Variants in MRPS27 observed in about 807,000 individuals in gnomAD.
MRPS27 encodes small ribosomal subunit protein mS27.
MRPS27 carries 43 observed loss-of-function variants against 48.9 expected under a neutral mutation model. The observed-to-expected ratio is 0.88, with a 90% confidence interval of 0.69 to 1.13. MRPS27 has a LOEUF of 1.13. Among genes scored for constraint, MRPS27 ranks in the 50% most tolerant of loss-of-function variants. The pLI is 0.00. For missense variants in MRPS27, 467 were observed against 476.3 expected (o/e 0.98, Z 0.18); for synonymous variants, 188 against 171.9 (o/e 1.09, Z -0.73).
intron 10 of MRPS27, among the ~76,000 whole-genome samples, chr5:72,221,678 T>C (rs780943977): frequency 6.6e-5 from 10 of 152,234 alleles, no homozygotes; most frequent in Non-Finnish European, 1.5e-4. Context: ...TCGGAATAAC[T>C]GAAACAAGTA....
chr5:72,300,143 C>T (rs1035789103), intron 2 of MRPS27, among the ~76,000 whole-genome samples: 1 of 152,258 alleles, frequency 6.6e-6, no homozygotes, highest in Non-Finnish European at 1.5e-5. Context: ...ACCACTGCCA[C>T]ATTGTTAAAA....
At chr5:72,236,441 T>G (rs1288524902) in intron 5 of MRPS27, among the ~76,000 whole-genome samples, 1 of 152,180 alleles carries the variant, frequency 6.6e-6, no homozygotes, top group African/African-American at 2.4e-5. Context: ...TCTAGTTTGA[T>G]GTTCTTTCCA....
Position 72,258,291 on chromosome 5 carries a change from T to C in MRPS27, c.282-20163A>G, listed in dbSNP as rs1748867202. 2.0e-5 allele frequency among the ~76,000 whole-genome samples: 3 copies of C among 152,212 alleles called. No individual in the cohort carries two copies. In the South Asian group the frequency reaches 6.2e-4, roughly 32 times the overall value. ...GTGCACTAACATCTAATGTGTGATA[T>C]AAAGAAGTCTACCATGTTCTCTGAT... On this transcript the variant is annotated intron_variant, in intron 4 of 10. Transcript: ENST00000261413.
intron 4 of MRPS27, among the ~76,000 whole-genome samples, chr5:72,243,096 C>T (rs1171819155): frequency 1.3e-5 from 2 of 152,084 alleles, no homozygotes; most frequent in South Asian, 2.1e-4. Flanking sequence ...ACCTCAGCCA[C>T]GGAGCTGGGT....
chr5:72,247,062 C>T (rs1339692948), intron 4 of MRPS27, among the ~76,000 whole-genome samples: 4 of 152,154 alleles, frequency 2.6e-5, no homozygotes, highest in Non-Finnish European at 5.9e-5. Flanking sequence ...GGTTTCAGTT[C>T]CTGCAACTGT....
intron 4 of MRPS27, among the ~76,000 whole-genome samples, chr5:72,273,251 G>A (rs1749292073): frequency 6.6e-6 from 1 of 152,144 alleles, no homozygotes; most frequent in African/African-American, 2.4e-5. Context: ...CTCAAGCTGG[G>A]CCACTGGTCC....
At chr5:72,301,318 C>T (rs1750121682) in intron 2 of MRPS27, among the ~76,000 whole-genome samples, 1 of 152,154 alleles carries the variant, frequency 6.6e-6, no homozygotes, top group South Asian at 2.1e-4. Context: ...GTCCTTAAAC[C>T]CCCTTCACAC....
At chr5:72,242,317 AAAG>A (rs1182765102) in intron 4 of MRPS27, among the ~76,000 whole-genome samples, 4 of 152,080 alleles carry the variant, frequency 2.6e-5, no homozygotes, top group Non-Finnish European at 4.4e-5. Flanking sequence ...TGTTACCAGG[AAAG>A]AAGGAGAGCA....
intron 4 of MRPS27, among the ~76,000 whole-genome samples, chr5:72,263,174 T>C (rs2112005181): frequency 6.6e-6 from 1 of 152,198 alleles, no homozygotes; most frequent in African/African-American, 2.4e-5. Flanking sequence ...ATTTCCTTCA[T>C]CAGTAACACA....
chr5:72,319,637 G>A (rs1395883058), intron 1 of MRPS27, among the ~76,000 whole-genome samples: 1 of 146,794 alleles, frequency 6.8e-6, no homozygotes, highest in Non-Finnish European at 1.5e-5. Flanking sequence ...TCCGCCTCCC[G>A]AGTTCAAGCG....
intron 10 of MRPS27, 34 bp downstream of exon 10, chr5:72,223,649 G>A (rs767833114): frequency 1.8e-5 from 29 of 1,609,702 alleles, no homozygotes; most frequent in African/African-American, 9.4e-5. Context: ...TGTTTTATGC[G>A]CTGCTAAGAG....
At chr5:72,250,413 C>T (rs1748634506) in intron 4 of MRPS27, among the ~76,000 whole-genome samples, 1 of 152,126 alleles carries the variant, frequency 6.6e-6, no homozygotes, top group Non-Finnish European at 1.5e-5. Context: ...TGAACCAAAC[C>T]ACAGTAATGC....
chr5:72,277,707 A>C (rs1402869208), intron 4 of MRPS27, among the ~76,000 whole-genome samples: 1 of 152,198 alleles, frequency 6.6e-6, no homozygotes, highest in Non-Finnish European at 1.5e-5. Flanking sequence ...CATCAATGAT[A>C]TATTGGATAA....
intron 2 of MRPS27, among the ~76,000 whole-genome samples, chr5:72,311,026 A>G (rs1311225819): frequency 6.6e-6 from 1 of 152,258 alleles, no homozygotes; most frequent in Admixed American, 6.5e-5. Context: ...GGGTTCTTTA[A>G]AAATATATAG....
chr5:72,241,965 G>A (rs553180796), intron 4 of MRPS27, among the ~76,000 whole-genome samples: 6 of 152,284 alleles, frequency 3.9e-5, no homozygotes, highest in South Asian at 2.1e-4. Context: ...CCCCAACAAG[G>A]TTGTGCTCAT....
intron 7 of MRPS27, among the ~76,000 whole-genome samples, chr5:72,231,906 A>G (rs1748073232): frequency 6.6e-6 from 1 of 152,140 alleles, no homozygotes; most frequent in South Asian, 2.1e-4. Flanking sequence ...TAAAACAAGA[A>G]CACAGCCTGG....
chr5:72,285,714 G>A lies in MRPS27; in HGVS notation c.281+9817C>T, dbSNP rs559544314. On this transcript the variant is annotated intron_variant, in intron 4 of 10. Coordinates refer to ENST00000261413, the MANE Select transcript of MRPS27 (RefSeq NM_015084.3). ...TCTTTAAAAACATTTTTGTAGAAAC[G>A]GAGTCTCACTATGTTGCTCAGGCTG... Among the ~76,000 whole-genome samples the A allele has an allele frequency of 5.3e-5, 8 of 152,228 alleles. No individual in the cohort carries two copies. In the South Asian group the frequency reaches 1.2e-3, roughly 24 times the overall value.
intron 2 of MRPS27, among the ~76,000 whole-genome samples, chr5:72,307,739 G>A (rs916662099): frequency 2.0e-5 from 3 of 152,110 alleles, no homozygotes; most frequent in Non-Finnish European, 4.4e-5. Flanking sequence ...CTAAGTGGGG[G>A]CCGCAATAAG....
chr5:72,280,487 C>T (rs1404354502), intron 4 of MRPS27, among the ~76,000 whole-genome samples: 1 of 152,018 alleles, frequency 6.6e-6, no homozygotes, highest in Non-Finnish European at 1.5e-5. Context: ...ATGTATATTT[C>T]ATTCTAACCT....
Sources: gnomAD v4.1 joint callset for allele counts (sites outside exome capture counted in the v4.1 genomes callset) on GRCh38, gnomAD v4.1.1 for gene constraint, MANE v1.5 for transcripts, NCBI Gene and HGNC (gene_info 2026-07-23, HGNC 2026-07-21) for gene names.